Variants in UBAC2 observed in about 807,000 individuals in gnomAD.
UBAC2 encodes ubiquitin-associated domain-containing protein 2.
Under a neutral mutation model 44.0 loss-of-function variants are expected in UBAC2, and 26 were observed. That is an observed-to-expected ratio of 0.59 (90% CI 0.43 to 0.82). UBAC2 has a LOEUF of 0.82. Ranked by LOEUF, UBAC2 falls within the 40% of genes least tolerant of loss-of-function variation. The pLI, the probability that UBAC2 is intolerant of heterozygous loss-of-function variation, is 0.00. For synonymous variants in UBAC2, 155 were observed against 154.3 expected, an observed-to-expected ratio of 1.00 and a Z score of -0.04; for missense variants, 329 against 419.4, an observed-to-expected ratio of 0.78 and a Z score of 1.88.
At chr13:99,335,821 G>A (rs1251479792) in intron 6 of UBAC2, among the ~76,000 whole-genome samples, 1 of 152,170 alleles carries the variant, frequency 6.6e-6, no homozygotes, top group Non-Finnish European at 1.5e-5. Flanking sequence ...CTCCCCAGAG[G>A]CGCCATAGCT....
chr13:99,335,906 G>C (rs1311248208), intron 6 of UBAC2, among the ~76,000 whole-genome samples: 1 of 151,818 alleles, frequency 6.6e-6, no homozygotes, highest in African/African-American at 2.4e-5. Flanking sequence ...TGGAATCCCA[G>C]CACTTAGGGA....
intron 6 of UBAC2, among the ~76,000 whole-genome samples, chr13:99,333,312 C>T (rs1464930590): frequency 6.6e-6 from 1 of 152,182 alleles, no homozygotes; most frequent in Non-Finnish European, 1.5e-5. Context: ...TGCAGTAGCA[C>T]TTTATTTGAC....
At chr13:99,239,522 A>G (rs1415387629) in intron 2 of UBAC2, among the ~76,000 whole-genome samples, 1 of 152,240 alleles carries the variant, frequency 6.6e-6, no homozygotes, top group African/African-American at 2.4e-5. Flanking sequence ...ACATTTAAAA[A>G]CAACCCCTAG....
intron 5 of UBAC2, among the ~76,000 whole-genome samples, chr13:99,315,937 C>T (rs1477303478): frequency 6.6e-6 from 1 of 151,472 alleles, no homozygotes; most frequent in Non-Finnish European, 1.5e-5. Flanking sequence ...AAAGTAATTG[C>T]GGTTTTTGCC....
chr13:99,335,684 G>C (rs1374793694), intron 6 of UBAC2, among the ~76,000 whole-genome samples: 1 of 152,196 alleles, frequency 6.6e-6, no homozygotes, highest in Non-Finnish European at 1.5e-5. Context: ...GTATAGTACT[G>C]TGTTGTATGA....
chr13:99,215,102 C>G (rs2042976887), intron 1 of UBAC2, among the ~76,000 whole-genome samples: 1 of 151,866 alleles, frequency 6.6e-6, no homozygotes, highest in South Asian at 2.1e-4. Context: ...CAATTAAAAT[C>G]CAAACAGTTT....
At chr13:99,348,443 G>C (rs2045026464) in intron 7 of UBAC2, among the ~76,000 whole-genome samples, 2 of 152,290 alleles carry the variant, frequency 1.3e-5, no homozygotes, top group Non-Finnish European at 1.5e-5. Flanking sequence ...CAGTCACGGG[G>C]GGCCTTATGA....
intron 1 of UBAC2, among the ~76,000 whole-genome samples, chr13:99,233,222 C>G (rs911022287): frequency 1.2e-4 from 18 of 151,924 alleles, no homozygotes; most frequent in African/African-American, 3.6e-4. Context: ...AAGTGATTCT[C>G]CTGCCTCAGC....
intron 7 of UBAC2, among the ~76,000 whole-genome samples, chr13:99,349,835 G>A (rs1319644753): frequency 2.6e-5 from 4 of 151,750 alleles, no homozygotes; most frequent in South Asian, 2.1e-4. Flanking sequence ...TTAGGACTTC[G>A]GATGACTGCG....
intron 4 of UBAC2, among the ~76,000 whole-genome samples, chr13:99,272,415 C>A (rs2043827687): frequency 6.6e-6 from 1 of 152,138 alleles, no homozygotes; most frequent in Non-Finnish European, 1.5e-5. Flanking sequence ...TTCTCATGGG[C>A]CTGTGACAGA....
intron 4 of UBAC2, among the ~76,000 whole-genome samples, chr13:99,264,769 T>C (rs2043718648): frequency 6.6e-6 from 1 of 152,192 alleles, no homozygotes; most frequent in Non-Finnish European, 1.5e-5. Context: ...TGAATTTCTG[T>C]AGGACTGTGG....
chr13:99,295,578 T>A lies in UBAC2; in HGVS notation c.390-18519T>A, dbSNP rs1426746921. ...AGCAGAATCCAGGGAAGAGATTTAG[T>A]TTCTTCAAAGTTTGGATACTCCATG... On this transcript the variant is annotated intron_variant, in intron 4 of 8. Coordinates refer to ENST00000403766, the MANE Select transcript of UBAC2 (RefSeq NM_001144072.2). The surrounding 1 kb of genome is among the most constrained non-coding windows in gnomAD (Gnocchi z 4.1). 6.2e-7 allele frequency: 1 copy of A among 1,613,946 alleles called. No individual in the cohort carries two copies. The highest frequency in any genetic ancestry group is 1.1e-5 in the South Asian group (1 of 91,074).
At chr13:99,205,883 G>A (rs1192807723) in intron 1 of UBAC2, 1 of 158,022 alleles carries the variant, frequency 6.3e-6, no homozygotes, top group Non-Finnish European at 1.4e-5. Flanking sequence ...AGGAGGACCG[G>A]TCTTTGGTCA....
At chr13:99,303,223 A>G (rs1302646161) in intron 4 of UBAC2, among the ~76,000 whole-genome samples, 3 of 152,246 alleles carry the variant, frequency 2.0e-5, no homozygotes, top group Non-Finnish European at 2.9e-5. Context: ...AACATCTTCA[A>G]GACTGAAAAA....
At chr13:99,283,774 A>AC (rs1261848109) in intron 4 of UBAC2, among the ~76,000 whole-genome samples, 2 of 113,156 alleles carry the variant, frequency 1.8e-5, no homozygotes, top group African/African-American at 7.1e-5. Flanking sequence ...TTGCTCTTTT[A>AC]CCCAGGCCAG....
chr13:99,355,248 A>G (rs776799309), intron 7 of UBAC2, among the ~76,000 whole-genome samples: 3 of 152,038 alleles, frequency 2.0e-5, no homozygotes, highest in Non-Finnish European at 2.9e-5. Flanking sequence ...GAAGGAAAAA[A>G]TGACCCCAAA....
chr13:99,294,928 T>C (rs774228340), intron 4 of UBAC2: 24 of 971,400 alleles, frequency 2.5e-5, no homozygotes, highest in East Asian at 7.7e-5. Context: ...GAGTTGGAGA[T>C]GGGAAAGTGC....
intron 4 of UBAC2, among the ~76,000 whole-genome samples, chr13:99,279,849 C>T (rs1035404688): frequency 3.9e-5 from 6 of 152,094 alleles, no homozygotes; most frequent in Non-Finnish European, 7.4e-5. Context: ...ACCTAATCAC[C>T]ACTCAAAAGC....
chr13:99,204,213 T>TA (rs1260119800), intron 1 of UBAC2, among the ~76,000 whole-genome samples: 1 of 152,176 alleles, frequency 6.6e-6, no homozygotes, highest in African/African-American at 2.4e-5. Context: ...CAAAACTTTT[T>TA]AAAAAAGAAC....
Sources: gnomAD v4.1 joint callset for allele counts (sites outside exome capture counted in the v4.1 genomes callset) on GRCh38, gnomAD v4.1.1 for gene constraint, Gnocchi (gnomAD v3.1) non-coding constraint, MANE v1.5 for transcripts, NCBI Gene and HGNC (gene_info 2026-07-23, HGNC 2026-07-21) for gene names.